Variants in PPP2R2B observed in about 807,000 individuals in gnomAD.
The protein encoded by PPP2R2B is protein phosphatase 2 regulatory subunit Bbeta.
PPP2R2B carries 5 observed loss-of-function variants against 46.0 expected under a neutral mutation model. The ratio of observed to expected loss-of-function variants is 0.11; its 90% CI spans 0.06 to 0.23. The LOEUF (loss-of-function observed/expected upper bound fraction) is 0.23. Ranked by LOEUF, PPP2R2B falls within the 10% of genes least tolerant of loss-of-function variation. The probability of loss-of-function intolerance (pLI) is 1.00; values close to 1 mark genes in which losing one functional copy is unlikely to be tolerated. For missense variants in PPP2R2B, 367 were observed against 575.0 expected, an observed-to-expected ratio of 0.64 and a Z score of 3.70; for synonymous variants, 215 against 206.7, an observed-to-expected ratio of 1.04 and a Z score of -0.34.
intron 1 of PPP2R2B, among the ~76,000 whole-genome samples, chr5:146,982,590 G>C (rs1013460402): frequency 3.9e-5 from 6 of 152,146 alleles, no homozygotes; most frequent in African/African-American, 1.4e-4. Flanking sequence ...CATCCTTGAT[G>C]TTCTCTGTCT....
chr5:146,759,172 A>G (rs1489090843), intron 2 of PPP2R2B, among the ~76,000 whole-genome samples: 1 of 152,162 alleles, frequency 6.6e-6, no homozygotes, highest in African/African-American at 2.4e-5. Context: ...TGTTGATGTC[A>G]TTTTTCTCCC....
intron 2 of PPP2R2B, among the ~76,000 whole-genome samples, chr5:146,838,524 T>C (rs936867033): frequency 2.0e-5 from 3 of 149,654 alleles, no homozygotes; most frequent in African/African-American, 7.4e-5. Context: ...TGAGCTAAGA[T>C]TGTGCCACTG....
chr5:146,954,756 A>ATGTGTGTG (rs149370877), intron 1 of PPP2R2B, among the ~76,000 whole-genome samples: 7,173 of 146,686 alleles, frequency 0.049, 252 homozygotes, highest in African/African-American at 0.075. Flanking sequence ...ATGTGTATAT[A>ATGTGTGTG]TGTGTGTGTG....
chr5:146,618,162 G>A (rs1276893871), intron 7 of PPP2R2B, among the ~76,000 whole-genome samples: 1 of 152,220 alleles, frequency 6.6e-6, no homozygotes, highest in Non-Finnish European at 1.5e-5. Flanking sequence ...GATTATCTGA[G>A]TGGGCTCAGT....
At chr5:146,817,054 C>T (rs749740403) in intron 2 of PPP2R2B, among the ~76,000 whole-genome samples, 2 of 152,184 alleles carry the variant, frequency 1.3e-5, no homozygotes, top group Non-Finnish European at 2.9e-5. Context: ...CTCTTGAGGG[C>T]TACTCCCCTC....
chr5:146,601,650 G>T (rs1200095584), intron 7 of PPP2R2B, among the ~76,000 whole-genome samples: 1 of 152,198 alleles, frequency 6.6e-6, no homozygotes, highest in Non-Finnish European at 1.5e-5. Context: ...ACTTCTCTGT[G>T]CCTTAGGTTT....
intron 2 of PPP2R2B, among the ~76,000 whole-genome samples, chr5:146,810,210 G>A (rs1328518887): frequency 3.3e-5 from 5 of 152,142 alleles, no homozygotes; most frequent in Admixed American, 2.6e-4. Context: ...ACCTGAGACT[G>A]GGCAATTTAC....
intron 2 of PPP2R2B, among the ~76,000 whole-genome samples, chr5:146,771,207 A>T (rs1754833958): frequency 6.6e-6 from 1 of 152,182 alleles, no homozygotes; most frequent in African/African-American, 2.4e-5. Flanking sequence ...GGCTCTCATC[A>T]GTGGCCAAGA....
chr5:147,045,951 C>T (rs935401665), intron 1 of PPP2R2B, among the ~76,000 whole-genome samples: 1 of 152,118 alleles, frequency 6.6e-6, no homozygotes, highest in Non-Finnish European at 1.5e-5. Flanking sequence ...AGTAACACTT[C>T]TTTAGGGAAG....
At chr5:147,062,199 T>C (rs549956898) in intron 2 of PPP2R2B, among the ~76,000 whole-genome samples, 25 of 152,320 alleles carry the variant, frequency 1.6e-4, no homozygotes, top group African/African-American at 5.5e-4. Flanking sequence ...GACCATGACA[T>C]TCAGGACTGT....
chr5:146,652,878 T>C (rs563464727), intron 5 of PPP2R2B, among the ~76,000 whole-genome samples: 1 of 152,106 alleles, frequency 6.6e-6, no homozygotes, highest in African/African-American at 2.4e-5. Context: ...AGATGTACAA[T>C]GGAAAACAAG....
chr5:147,030,173 A>G (rs1287602935), intron 1 of PPP2R2B, among the ~76,000 whole-genome samples: 2 of 152,160 alleles, frequency 1.3e-5, no homozygotes, highest in African/African-American at 2.4e-5. Flanking sequence ...CTTTCTGCTA[A>G]TAAAGTTTTT....
chr5:146,723,731 T>C (rs959866860), intron 2 of PPP2R2B, among the ~76,000 whole-genome samples: 4 of 152,128 alleles, frequency 2.6e-5, no homozygotes, highest in Admixed American at 1.3e-4. Flanking sequence ...CGCCCTGATC[T>C]TCTAACAGGT....
At chr5:146,787,484 TCTTC>T (rs1319672052) in intron 2 of PPP2R2B, among the ~76,000 whole-genome samples, 1 of 151,878 alleles carries the variant, frequency 6.6e-6, no homozygotes, top group Non-Finnish European at 1.5e-5. Context: ...CCACCAGAGC[TCTTC>T]CTTCCTTTCC....
At chr5:146,858,617 A>G (rs1483667346) in intron 2 of PPP2R2B, among the ~76,000 whole-genome samples, 1 of 152,204 alleles carries the variant, frequency 6.6e-6, no homozygotes, top group African/African-American at 2.4e-5. Flanking sequence ...CTAGTAAATT[A>G]GTGACTAGTT....
intron 2 of PPP2R2B, among the ~76,000 whole-genome samples, chr5:146,834,478 C>T (rs1759152783): frequency 6.6e-6 from 1 of 152,214 alleles, no homozygotes. Context: ...AAATATTTCA[C>T]TTGTCTCAAC....
At chr5:147,023,681 A>G (rs114318763) in intron 1 of PPP2R2B, among the ~76,000 whole-genome samples, 2,559 of 152,262 alleles carry the variant, frequency 0.017, 81 homozygotes, top group African/African-American at 0.058. Flanking sequence ...TGAGTGGGTT[A>G]AGGGATACAC....
intron 2 of PPP2R2B, among the ~76,000 whole-genome samples, chr5:146,717,480 A>G (rs185276758): frequency 1.3e-5 from 2 of 152,346 alleles, no homozygotes; most frequent in Admixed American, 1.3e-4. Flanking sequence ...TGCTTTCTGC[A>G]AAGTTCTTGG....
At chr5:146,878,769 G>C (rs886291439), upstream of PPP2R2B, 11 of 976,980 alleles carry the variant, frequency 1.1e-5, 1 homozygote, top group African/African-American at 2.6e-4. This position sits in a 1 kb window ranked among gnomAD's most constrained non-coding sequence, Gnocchi z 4.5. Flanking sequence ...CAGGAGGCTG[G>C]AGGCGGCTGG....
Sources: gnomAD v4.1 joint callset for allele counts (sites outside exome capture counted in the v4.1 genomes callset) on GRCh38, gnomAD v4.1.1 for gene constraint, Gnocchi (gnomAD v3.1) non-coding constraint, MANE v1.5 for transcripts, NCBI Gene and HGNC (gene_info 2026-07-23, HGNC 2026-07-21) for gene names.